Variants in IQSEC1 observed in about 807,000 individuals in gnomAD.
IQSEC1 encodes IQ motif and SEC7 domain-containing protein 1.
A neutral mutation model predicts 91.0 loss-of-function variants in IQSEC1; 31 were observed. That is an observed-to-expected ratio of 0.34 (90% CI 0.26 to 0.46). IQSEC1 has a LOEUF of 0.46. Among genes scored for constraint, IQSEC1 ranks in the 20% least tolerant of loss-of-function variants. The probability of loss-of-function intolerance (pLI) is 1.00; values close to 1 mark genes in which losing one functional copy is unlikely to be tolerated. For synonymous variants in IQSEC1, 699 were observed against 662.6 expected, an observed-to-expected ratio of 1.05 and a Z score of -0.84; for missense variants, 1,388 against 1,575.6, an observed-to-expected ratio of 0.88 and a Z score of 2.02.
intron 1 of IQSEC1, among the ~76,000 whole-genome samples, chr3:12,968,473 G>T (rs1050474641): frequency 6.6e-6 from 1 of 152,146 alleles, no homozygotes; most frequent in African/African-American, 2.4e-5. Context: ...GCAACATTGT[G>T]AAGTAGGTGG....
At chr3:12,957,116 A>G (rs1699957592) in intron 1 of IQSEC1, among the ~76,000 whole-genome samples, 1 of 152,116 alleles carries the variant, frequency 6.6e-6, no homozygotes, top group African/African-American at 2.4e-5. Context: ...AGGAAACGAG[A>G]TACGTCCATC....
upstream of IQSEC1, among the ~76,000 whole-genome samples, chr3:13,077,141 G>A (rs1705576014): frequency 6.6e-6 from 1 of 151,792 alleles, no homozygotes; most frequent in African/African-American, 2.4e-5. Flanking sequence ...TGGGCTCAGC[G>A]ATCTTCCTGC....
At chr3:13,163,230 C>G (rs184536429) in intron 2 of IQSEC1, among the ~76,000 whole-genome samples, 1 of 152,280 alleles carries the variant, frequency 6.6e-6, no homozygotes, top group Non-Finnish European at 1.5e-5. Flanking sequence ...CTGCAGGCAC[C>G]TGGAGGACCC....
intron 3 of IQSEC1, among the ~76,000 whole-genome samples, chr3:12,931,054 G>C (rs1358650584): frequency 6.6e-6 from 1 of 152,158 alleles, no homozygotes; most frequent in Non-Finnish European, 1.5e-5. Flanking sequence ...CTTTCTGGTA[G>C]CGTGAACCCA....
At chr3:13,072,292 G>A (rs764290539) in intron 1 of IQSEC1, among the ~76,000 whole-genome samples, 7 of 152,246 alleles carry the variant, frequency 4.6e-5, no homozygotes, top group South Asian at 4.1e-4. Context: ...ACAGTGCAGC[G>A]CCCAGAGAGC....
chr3:13,272,882 A>T (rs1352454277), intron 1 of IQSEC1, among the ~76,000 whole-genome samples: 1 of 152,228 alleles, frequency 6.6e-6, no homozygotes, highest in Non-Finnish European at 1.5e-5. Context: ...TGGATTCAAA[A>T]TCAGCAGCAT....
intron 13 of IQSEC1, 61 bp from the exon 14 acceptor site, chr3:12,901,583 ATTTT>A (rs375066530): frequency 0.024 from 29,146 of 1,207,888 alleles, 499 homozygotes; most frequent in South Asian, 0.046. Context: ...GGTCAGAATG[ATTTT>A]TTTTTTTCAA....
chr3:13,256,355 T>TA (rs1166134596), intron 1 of IQSEC1, among the ~76,000 whole-genome samples: 2 of 152,198 alleles, frequency 1.3e-5, no homozygotes, highest in African/African-American at 4.8e-5. Context: ...CTTTTAACCA[T>TA]AAAAAAATCT....
chr3:12,953,462 G>A (rs907590082), intron 1 of IQSEC1, among the ~76,000 whole-genome samples: 35 of 152,338 alleles, frequency 2.3e-4, no homozygotes, highest in African/African-American at 8.4e-4. Context: ...TTTAACGACT[G>A]TCACCCAGAC....
At chr3:13,165,535 GGCGTGTGTGT>G (rs59315165) in intron 1 of IQSEC1, among the ~76,000 whole-genome samples, 26,056 of 88,748 alleles carry the variant, frequency 0.29, 4,232 homozygotes, top group East Asian at 0.38. Flanking sequence ...GTGGGGGGGT[GGCGTGTGTGT>G]GTGTGTGTGT....
In IQSEC1 at chr3:12,899,186, C is replaced by T. The variant is rs1328438167; in HGVS notation, c.*1797G>A. 6.7e-6 allele frequency: 4 copies of T among 598,526 alleles called. No homozygotes were observed. The highest frequency in any genetic ancestry group is 2.8e-5 in the East Asian group (1 of 35,690). 37.1% of individuals were successfully genotyped at this position (598,526 alleles called of 1,614,324 possible). A position where few individuals can be genotyped will look rare whatever the true frequency, so the allele number is the denominator to read the frequency against. ...GTGGGAGGGATGTGAGGAGGGAAAT[C>T]GGCAAAACCCTGGCCAGCCAGCCAG... On this transcript the variant is annotated 3_prime_UTR_variant, in exon 14 of 14. Coordinates refer to ENST00000613206, the MANE Select transcript of IQSEC1 (RefSeq NM_001134382.3).
chr3:13,192,697 T>C (rs544776238), intron 1 of IQSEC1, among the ~76,000 whole-genome samples: 1 of 152,380 alleles, frequency 6.6e-6, no homozygotes, highest in Admixed American at 6.5e-5. Flanking sequence ...CACAGCTCTG[T>C]GGCTGGGAGC....
chr3:13,089,360 A>G (rs1294855771), intron 2 of IQSEC1, among the ~76,000 whole-genome samples: 2 of 152,216 alleles, frequency 1.3e-5, no homozygotes, highest in African/African-American at 4.8e-5. Context: ...CTGGAGAATT[A>G]CTTGAGCCCA....
chr3:13,023,193 A>T (rs948541771), intron 1 of IQSEC1, among the ~76,000 whole-genome samples: 1 of 152,008 alleles, frequency 6.6e-6, no homozygotes, highest in Non-Finnish European at 1.5e-5. Context: ...CTCTGTAGGG[A>T]TGGAGTGGGG....
intron 1 of IQSEC1, among the ~76,000 whole-genome samples, chr3:13,213,613 T>G (rs1220442107): frequency 6.6e-6 from 1 of 152,200 alleles, no homozygotes; most frequent in Non-Finnish European, 1.5e-5. Flanking sequence ...CTTTGAGCCA[T>G]GTTTTTAGTC....
chr3:13,067,461 C>A (rs1000195884), intron 1 of IQSEC1, among the ~76,000 whole-genome samples: 8 of 152,208 alleles, frequency 5.3e-5, no homozygotes, highest in African/African-American at 2.4e-5. Flanking sequence ...GCACCCAGGA[C>A]AAGCAGGCTG....
chr3:12,899,756 A>G lies in IQSEC1; in HGVS notation c.*1227T>C, dbSNP rs576387155. ...CCTGGGTTGCTAAACGCTAAAGTCA[A>G]CCTTCAGGTTCGAGAGTGGTTCCTG... is the stretch of plus-strand genomic sequence containing the variant. On this transcript the variant is annotated 3_prime_UTR_variant, in exon 14 of 14. Transcript: ENST00000613206. 1.1e-5 allele frequency: 11 copies of G among 985,340 alleles called. No individual in the cohort carries two copies. In the African/African-American group the frequency reaches 1.6e-4, roughly 14 times the overall value. The allele number at this position is 985,340 out of a possible 1,614,324, so 61.0% of individuals were successfully genotyped here. A position where few individuals can be genotyped will look rare whatever the true frequency, so the allele number is the denominator to read the frequency against.
At chr3:13,003,278 A>T (rs924236514) in intron 1 of IQSEC1, among the ~76,000 whole-genome samples, 1 of 142,320 alleles carries the variant, frequency 7.0e-6, no homozygotes, top group Non-Finnish European at 1.5e-5. Context: ...GTCTCTACCA[A>T]AAAAAAAAAA....
At chr3:12,987,517 G>A (rs909198361) in intron 1 of IQSEC1, among the ~76,000 whole-genome samples, 5 of 152,210 alleles carry the variant, frequency 3.3e-5, no homozygotes, top group African/African-American at 4.8e-5. Flanking sequence ...GGTGAATAAC[G>A]AGAATCTTCA....
Sources: gnomAD v4.1 joint callset for allele counts (sites outside exome capture counted in the v4.1 genomes callset) on GRCh38, gnomAD v4.1.1 for gene constraint, MANE v1.5 for transcripts, NCBI Gene and HGNC (gene_info 2026-07-23, HGNC 2026-07-21) for gene names.